TTC34: variants seen among roughly 807,000 people sequenced by gnomAD.
TTC34 encodes the protein tetratricopeptide repeat domain 34.
A neutral mutation model predicts 40.7 loss-of-function variants in TTC34; 44 were observed. That is an observed-to-expected ratio of 1.08 (90% CI 0.85 to 1.39). The LOEUF is 1.39. Ranked by LOEUF, TTC34 falls within the 40% of genes most tolerant of loss-of-function variation. The pLI, the probability that TTC34 is intolerant of heterozygous loss-of-function variation, is 0.00. For synonymous variants in TTC34, 422 were observed against 398.6 expected (o/e 1.06, Z -0.70); for missense variants, 884 against 838.0 (o/e 1.05, Z -0.68).
chr1:2,691,720 G>C (rs552824323), intron 6 of TTC34, among the ~76,000 whole-genome samples: 1 of 98,932 alleles, frequency 1.0e-5, no homozygotes, highest in East Asian at 2.7e-4. Flanking sequence ...GTGAGCATTG[G>C]ACAGCCTGGA....
chr1:2,651,440 C>T (rs1449041063), intron 6 of TTC34, among the ~76,000 whole-genome samples: 1 of 152,038 alleles, frequency 6.6e-6, no homozygotes, highest in Non-Finnish European at 1.5e-5. Flanking sequence ...CCCACACACG[C>T]AGGTAAGCAT....
At chr1:2,787,705 C>A in exon 4 of TTC34, 1 of 1,538,152 alleles carries the variant, frequency 6.5e-7, no homozygotes, top group Non-Finnish European at 8.8e-7. Context: ...CCGCAGGCGA[C>A]CCTGTGTGGA....
At chr1:2,786,653 A>G (rs1380353719) in intron 4 of TTC34, among the ~76,000 whole-genome samples, 1 of 152,180 alleles carries the variant, frequency 6.6e-6, no homozygotes, top group Non-Finnish European at 1.5e-5. Flanking sequence ...CTTTTAGGTC[A>G]TGAAGGGTCA....
chr1:2,752,116 A>G (rs1641339434), intron 6 of TTC34, among the ~76,000 whole-genome samples: 1 of 104,878 alleles, frequency 9.5e-6, no homozygotes, highest in African/African-American at 4.5e-5. Flanking sequence ...GACAGCCTGG[A>G]GCAACACCCA....
chr1:2,787,530 C>T lies in TTC34; in HGVS notation c.1805G>A (p.Arg602Gln), dbSNP rs754188678. The T allele has an allele frequency of 9.4e-5, 144 of 1,531,164 alleles. No homozygotes were observed. The highest frequency in any genetic ancestry group is 1.0e-4 in the Non-Finnish European group (116 of 1,134,566). The allele number at this position is 1,531,164 out of a possible 1,614,324, so 94.8% of individuals were successfully genotyped here. The change falls in exon 4 of 9, where the codon CGA becomes CAA. Residue 602 changes from arginine (R) to glutamine (Q), a missense_variant. Coordinates refer to ENST00000401095, the Ensembl canonical transcript of TTC34. The stretch of plus-strand genomic sequence containing the variant: ...CCTCCTCAGCTGCAGCAGGGCCAGT[C>T]GTGCCAGCACAGGGGCTGCCTGGGG...
At chr1:2,787,264 C>A (rs577584802) in intron 4 of TTC34, among the ~76,000 whole-genome samples, 4 of 152,296 alleles carry the variant, frequency 2.6e-5, no homozygotes, top group African/African-American at 9.6e-5. Flanking sequence ...CTGCCCCAGC[C>A]GATTTCCATG....
intron 6 of TTC34, among the ~76,000 whole-genome samples, chr1:2,768,194 C>T (rs1386428751): frequency 1.3e-5 from 2 of 151,828 alleles, no homozygotes; most frequent in Non-Finnish European, 2.9e-5. Context: ...CAGCCTGGAG[C>T]AGCAGTGCCC....
At chr1:2,776,446 C>A (rs1348472140) in intron 6 of TTC34, 1 of 124,032 alleles carries the variant, frequency 8.1e-6, no homozygotes, top group Admixed American at 7.7e-5. Context: ...GACCACTGCC[C>A]CCAGGTGAGC....
At chr1:2,788,710 G>A (rs1178609159) in intron 3 of TTC34, among the ~76,000 whole-genome samples, 1 of 152,320 alleles carries the variant, frequency 6.6e-6, no homozygotes, top group East Asian at 1.9e-4. Flanking sequence ...CCTACAAGTG[G>A]CGGCGCTTCC....
At chr1:2,749,457 TC>T (rs1641246131) in intron 6 of TTC34, among the ~76,000 whole-genome samples, 1 of 106,964 alleles carries the variant, frequency 9.3e-6, no homozygotes. Context: ...CAGGTGAGCA[TC>T]TGACGGCCTG....
chr1:2,652,426 C>A (rs1639174191), intron 6 of TTC34, among the ~76,000 whole-genome samples: 1 of 152,120 alleles, frequency 6.6e-6, no homozygotes, highest in African/African-American at 2.4e-5. Context: ...CATCTGACAG[C>A]CTGGAACAGC....
At chr1:2,791,009 G>A (rs1233908717) in intron 2 of TTC34, among the ~76,000 whole-genome samples, 2 of 152,200 alleles carry the variant, frequency 1.3e-5, no homozygotes, top group Admixed American at 6.5e-5. Flanking sequence ...ATCCACGCTC[G>A]CAGGGGGTGA....
At chr1:2,694,056 C>G (rs1214666816) in intron 6 of TTC34, among the ~76,000 whole-genome samples, 1 of 130,940 alleles carries the variant, frequency 7.6e-6, no homozygotes, top group Admixed American at 7.8e-5. Context: ...CAGCACGTAA[C>G]AGCACCCACA....
chr1:2,756,658 C>T (rs1262735985), intron 6 of TTC34, among the ~76,000 whole-genome samples: 3 of 38,808 alleles, frequency 7.7e-5, no homozygotes, highest in African/African-American at 3.5e-4. Flanking sequence ...CCTGGAACAG[C>T]ACCCACACCC....
At chr1:2,641,366 A>C in exon 9 of TTC34, 3 of 1,500,646 alleles carry the variant, frequency 2.0e-6, no homozygotes, top group Non-Finnish European at 2.7e-6. Context: ...GGTCAGGCCC[A>C]GTCACTGTAG....
At position 2,691,848 on chromosome 1, in the gene TTC34, G is replaced by A. The variant is rs1250611852; in HGVS notation, c.2227-46285C>T. ...CCCCCAGGTGTGCATGTGATGGTCT[G>A]GAGCAGCCCCCACACCCAGAGGTGA... On this transcript the variant is annotated intron_variant, in intron 6 of 8. Transcript: ENST00000401095. Among the ~76,000 whole-genome samples, 3 of 70,536 alleles carry A rather than the reference G, an allele frequency of 4.3e-5. 1 individual carries two copies. Among genetic ancestry groups the A allele is most frequent in the African/African-American group, 1.3e-4 (3 of 22,622 alleles). 46.3% of individuals were successfully genotyped at this position (70,536 alleles called of 152,430 possible).
intron 6 of TTC34, among the ~76,000 whole-genome samples, chr1:2,760,001 ACC>A: frequency 1.7e-5 from 2 of 117,502 alleles, no homozygotes; most frequent in Non-Finnish European, 3.4e-5. Flanking sequence ...AGCACCCACA[ACC>A]ACAGGTGAGC....
intron 6 of TTC34, among the ~76,000 whole-genome samples, chr1:2,687,347 C>A (rs1245284654): frequency 2.0e-5 from 3 of 148,346 alleles, no homozygotes; most frequent in Non-Finnish European, 4.4e-5. Context: ...CATCCGACAG[C>A]CTGGAGCAGC....
exon 3 of TTC34, chr1:2,789,910 C>G (rs1156847684): frequency 5.0e-6 from 2 of 396,736 alleles, no homozygotes; most frequent in East Asian, 7.2e-5. Flanking sequence ...CACGGTCCCC[C>G]GCAGGGTCCT....
Sources: allele counts gnomAD v4.1 joint callset (sites outside exome capture counted in the v4.1 genomes callset), GRCh38; gene constraint gnomAD v4.1.1; transcripts MANE v1.5; gene names NCBI Gene and HGNC (gene_info 2026-07-23, HGNC 2026-07-21).